ENTREP1: variants seen among roughly 807,000 people sequenced by gnomAD.
The protein encoded by ENTREP1 is Friedreich ataxia region gene X123.
chr9:69,364,737 T>A, the ENTREP1 span, among the ~76,000 whole-genome samples: 1 of 152,166 alleles, frequency 6.6e-6, no homozygotes, highest in Non-Finnish European at 1.5e-5. Context: ...GTAATTCAGG[T>A]GACCATTTGG....
At chr9:69,390,128 A>G in the ENTREP1 span, among the ~76,000 whole-genome samples, 10 of 152,380 alleles carry the variant, frequency 6.6e-5, no homozygotes, top group Admixed American at 4.6e-4. Flanking sequence ...AGCACAGTCA[A>G]CTTCTTTGAA....
chr9:69,370,674 ATAGT>A, the ENTREP1 span, among the ~76,000 whole-genome samples: 1 of 152,230 alleles, frequency 6.6e-6, no homozygotes, highest in Non-Finnish European at 1.5e-5. Context: ...TGGAATAACA[ATAGT>A]TAAAGAACAG....
At chr9:69,391,826 C>G in the ENTREP1 span, 1 of 1,563,188 alleles carries the variant, frequency 6.4e-7, no homozygotes, top group African/African-American at 1.4e-5. Flanking sequence ...CAGAAGGCCA[C>G]TCCAAGGGGA....
At chr9:69,330,711 T>G in the ENTREP1 span, among the ~76,000 whole-genome samples, 1 of 152,256 alleles carries the variant, frequency 6.6e-6, no homozygotes, top group Admixed American at 6.5e-5. Flanking sequence ...TGAGTTTTAT[T>G]GATTTCTTTG....
the ENTREP1 span, among the ~76,000 whole-genome samples, chr9:69,365,325 T>C: frequency 6.6e-6 from 1 of 152,124 alleles, no homozygotes; most frequent in Admixed American, 6.5e-5. Flanking sequence ...TCCTAAACTT[T>C]AAGTAAGTGA....
At chr9:69,329,876 GGTTCCACTGGGTTTAATT>G in the ENTREP1 span, among the ~76,000 whole-genome samples, 3 of 120,988 alleles carry the variant, frequency 2.5e-5, no homozygotes, top group African/African-American at 9.0e-5. Flanking sequence ...GAGTTAACTA[GGTTCCACTGGGTTTAATT>G]AGATTCCACT....
At chr9:69,325,263 GC>G in the ENTREP1 span, 1 of 990,156 alleles carries the variant, frequency 1.0e-6, no homozygotes, top group Non-Finnish European at 1.2e-6. Context: ...CGCGTCCTCT[GC>G]CCGCCGCAGC....
At chr9:69,367,062 G>T in the ENTREP1 span, among the ~76,000 whole-genome samples, 3 of 150,484 alleles carry the variant, frequency 2.0e-5, no homozygotes, top group Admixed American at 1.3e-4. Context: ...GAATACAGGT[G>T]CACCCCACTA....
the ENTREP1 span, among the ~76,000 whole-genome samples, chr9:69,327,008 T>C: frequency 2.1e-5 from 1 of 46,746 alleles, no homozygotes; most frequent in Non-Finnish European, 3.8e-5. Context: ...CAAGACCAAA[T>C]TGAAAAAAAA....
the ENTREP1 span, chr9:69,325,592 C>T: frequency 3.3e-6 from 4 of 1,227,384 alleles, no homozygotes; most frequent in African/African-American, 4.7e-5. Context: ...GCTGCCCGCC[C>T]GCCCGCTGCT....
chr9:69,391,608 C>A, the ENTREP1 span: 2 of 1,613,960 alleles, frequency 1.2e-6, no homozygotes, highest in Non-Finnish European at 1.7e-6. Context: ...AAGATAATGG[C>A]CCCATTGCAG....
the ENTREP1 span, chr9:69,377,678 T>G: frequency 1.2e-6 from 2 of 1,614,162 alleles, no homozygotes; most frequent in Non-Finnish European, 1.7e-6. Context: ...GATGATTTTG[T>G]GCCGCCTGTG....
chr9:69,372,887 G>A, the ENTREP1 span, among the ~76,000 whole-genome samples: 5 of 151,674 alleles, frequency 3.3e-5, no homozygotes, highest in East Asian at 9.7e-4. Context: ...TGGGTATAAG[G>A]TGATACCTCA....
chr9:69,380,477 T>C, the ENTREP1 span: 1 of 152,236 alleles, frequency 6.6e-6, no homozygotes, highest in Non-Finnish European at 1.5e-5. Context: ...TTATGACCTC[T>C]CAGAAGAGGT....
At chr9:69,330,910 AC>A in the ENTREP1 span, among the ~76,000 whole-genome samples, 1 of 152,192 alleles carries the variant, frequency 6.6e-6, no homozygotes, top group Admixed American at 6.5e-5. Flanking sequence ...ATACACGGGA[AC>A]CTGTATCAAT....
At chr9:69,390,054 T>C in the ENTREP1 span, among the ~76,000 whole-genome samples, 2 of 152,248 alleles carry the variant, frequency 1.3e-5, no homozygotes, top group Non-Finnish European at 2.9e-5. Context: ...CTTCGCATCT[T>C]GGAGTTTTTA....
the ENTREP1 span, chr9:69,388,598 AG>A: frequency 1.6e-6 from 1 of 629,472 alleles, no homozygotes; most frequent in African/African-American, 1.8e-5. Flanking sequence ...GGAGGGAGAC[AG>A]AGGAAGCCGG....
chr9:69,377,731 C>T, the ENTREP1 span: 43 of 1,612,830 alleles, frequency 2.7e-5, no homozygotes, highest in African/African-American at 5.3e-5. Context: ...GTGCACACCC[C>T]GGATGAACCG....
chr9:69,325,030 G>A, the ENTREP1 span: 3 of 985,276 alleles, frequency 3.0e-6, no homozygotes, highest in South Asian at 1.4e-4. Flanking sequence ...CACTTGCCCC[G>A]GCACAGCGCG....
Sources: gnomAD v4.1 joint callset for allele counts (sites outside exome capture counted in the v4.1 genomes callset) on GRCh38, gnomAD v4.1.1 for gene constraint, MANE v1.5 for transcripts, NCBI Gene and HGNC (gene_info 2026-07-23, HGNC 2026-07-21) for gene names.